The following ANO2 variants were observed in gnomAD, a reference collection of about 807,000 sequenced individuals.
ANO2 encodes anoctamin-2.
ANO2 carries 101 observed loss-of-function variants against 124.2 expected under a neutral mutation model. The ratio of observed to expected loss-of-function variants is 0.81; its 90% CI spans 0.69 to 0.96. ANO2 has a LOEUF of 0.96. Among genes scored for constraint, ANO2 ranks in the 40% least tolerant of loss-of-function variants. The probability of loss-of-function intolerance (pLI) is 0.00; values close to 1 mark genes in which losing one functional copy is unlikely to be tolerated. For synonymous variants in ANO2, 486 were observed against 482.5 expected, an observed-to-expected ratio of 1.01 and a Z score of -0.09; for missense variants, 1,293 against 1,274.5, an observed-to-expected ratio of 1.01 and a Z score of -0.22.
chr12:5,710,100 T>A (rs1389596200), intron 14 of ANO2, among the ~76,000 whole-genome samples: 1 of 152,178 alleles, frequency 6.6e-6, no homozygotes, highest in East Asian at 1.9e-4. Context: ...GTGAGATTAG[T>A]GTAATTACAA....
chr12:5,755,725 G>C (rs1951562848), intron 10 of ANO2, among the ~76,000 whole-genome samples: 1 of 152,088 alleles, frequency 6.6e-6, no homozygotes, highest in Non-Finnish European at 1.5e-5. Flanking sequence ...TCCCTACAAA[G>C]GACATGAACT....
At chr12:5,656,304 T>G (rs1947151073) in intron 14 of ANO2, among the ~76,000 whole-genome samples, 1 of 152,244 alleles carries the variant, frequency 6.6e-6, no homozygotes. Flanking sequence ...GCATCTTCAG[T>G]GGAATGTCCT....
chr12:5,597,537 C>T (rs980283665), intron 20 of ANO2, among the ~76,000 whole-genome samples: 11 of 152,108 alleles, frequency 7.2e-5, no homozygotes, highest in South Asian at 2.1e-4. Context: ...ATTATGAACA[C>T]GTCTATATAC....
chr12:5,926,929 T>A (rs1033285925), intron 1 of ANO2, among the ~76,000 whole-genome samples: 1 of 152,168 alleles, frequency 6.6e-6, no homozygotes, highest in Non-Finnish European at 1.5e-5. Flanking sequence ...CTTTTCCTCA[T>A]AAAGTGAGTG....
chr12:5,775,278 CACAG>C (rs1952196767), intron 10 of ANO2, among the ~76,000 whole-genome samples: 1 of 151,818 alleles, frequency 6.6e-6, no homozygotes, highest in African/African-American at 2.4e-5. Flanking sequence ...CGTGCACACA[CACAG>C]AGAGAGAGAG....
chr12:5,568,378 T>A (rs1311500309), intron 23 of ANO2, among the ~76,000 whole-genome samples: 1 of 152,112 alleles, frequency 6.6e-6, no homozygotes, highest in Non-Finnish European at 1.5e-5. Flanking sequence ...CCTGACCTCC[T>A]GATCCGCCCG....
intron 11 of ANO2, among the ~76,000 whole-genome samples, chr12:5,745,728 T>C (rs1951247158): frequency 1.3e-5 from 2 of 152,268 alleles, no homozygotes; most frequent in Admixed American, 6.5e-5. Flanking sequence ...TGTCGGTCCC[T>C]GAGGATAAAC....
chr12:5,933,689 G>A (rs1942529705), intron 1 of ANO2, among the ~76,000 whole-genome samples: 3 of 152,238 alleles, frequency 2.0e-5, no homozygotes, highest in Non-Finnish European at 2.9e-5. Context: ...ACAGCTGACT[G>A]TTACATGTCT....
chr12:5,727,007 A>G (rs1276436235), intron 14 of ANO2, among the ~76,000 whole-genome samples: 2 of 152,188 alleles, frequency 1.3e-5, no homozygotes, highest in Non-Finnish European at 2.9e-5. Context: ...TACAGTACAG[A>G]GCATTTCATT....
At chr12:5,643,087 C>A (rs569974706) in intron 15 of ANO2, among the ~76,000 whole-genome samples, 6 of 151,314 alleles carry the variant, frequency 4.0e-5, no homozygotes, top group Admixed American at 4.0e-4. Flanking sequence ...CACACACACA[C>A]AATGAATAAA....
At chr12:5,855,661 C>T (rs992092468) in intron 3 of ANO2, among the ~76,000 whole-genome samples, 21 of 152,308 alleles carry the variant, frequency 1.4e-4, no homozygotes, top group Admixed American at 1.0e-3. Flanking sequence ...TAGGTGGTCA[C>T]GTGCATTAGC....
rs542893298 is a variant in ANO2, at chr12:5,575,699, A to G, written c.2621+135T>C. On this transcript the variant is annotated intron_variant, in intron 23 of 24. Coordinates refer to ENST00000682330, the MANE Select transcript of ANO2 (RefSeq NM_001364791.2). ...TATGGTATTATAATCTTACGGGACA[A>G]TCGCCATATATGTGGTCTGCTGTTG... The G allele has an allele frequency of 1.2e-5, 12 of 978,722 alleles. No individual in the cohort carries two copies. In the South Asian group the frequency reaches 1.9e-4, roughly 16 times the overall value. The allele number at this position is 978,722 out of a possible 1,614,324, so 60.6% of individuals were successfully genotyped here.
At chr12:5,729,007 C>T (rs1378884359) in intron 14 of ANO2, among the ~76,000 whole-genome samples, 1 of 152,120 alleles carries the variant, frequency 6.6e-6, no homozygotes, top group Non-Finnish European at 1.5e-5. Flanking sequence ...ATAGGCCTAA[C>T]TGCAAGTGTT....
chr12:5,602,539 C>T (rs1943992650), intron 19 of ANO2, among the ~76,000 whole-genome samples: 1 of 152,160 alleles, frequency 6.6e-6, no homozygotes, highest in African/African-American at 2.4e-5. Flanking sequence ...CAAGCACGAA[C>T]CACCACACCC....
At chr12:5,804,279 C>T (rs1252972814) in intron 9 of ANO2, among the ~76,000 whole-genome samples, 2 of 152,182 alleles carry the variant, frequency 1.3e-5, no homozygotes, top group African/African-American at 4.8e-5. Context: ...CTAGCCCTGC[C>T]GTGAGAATCT....
At chr12:5,858,116 G>T (rs1955161159) in intron 3 of ANO2, among the ~76,000 whole-genome samples, 1 of 152,216 alleles carries the variant, frequency 6.6e-6, no homozygotes, top group Non-Finnish European at 1.5e-5. Flanking sequence ...CTGCAGCACT[G>T]CAGGGTGAAT....
At chr12:5,581,839 C>T (rs1942773478) in intron 20 of ANO2, among the ~76,000 whole-genome samples, 4 of 152,322 alleles carry the variant, frequency 2.6e-5, no homozygotes, top group Admixed American at 6.5e-5. Flanking sequence ...CAGGCCCTCT[C>T]TGCAGACGCC....
Position 5,750,900 on chromosome 12 carries a change from A to G in ANO2, c.1126T>C (p.Ser376Pro). 1 of 1,612,214 alleles carries G rather than the reference A, an allele frequency of 6.2e-7. No homozygotes were observed. Residue 376 changes from serine (S) to proline (P), a missense_variant, in exon 11 of 25, where the codon TCT becomes CCT. Transcript: ENST00000682330. ...AACACAATCACTCCAATTACAGAAG[A>G]TGGGATGAGGAATGATGTATATAAT... ...LGLYTSFLIPSSVIGVIVFLY... is the reference protein window; with the variant it reads ...LGLYTSFLIPPSVIGVIVFLY...
intron 12 of ANO2, among the ~76,000 whole-genome samples, chr12:5,743,334 A>G (rs1035656589): frequency 6.6e-6 from 1 of 152,162 alleles, no homozygotes; most frequent in Non-Finnish European, 1.5e-5. Flanking sequence ...GGTGATGAGT[A>G]AAGGAGCAGG....
Sources: allele counts gnomAD v4.1 joint callset (sites outside exome capture counted in the v4.1 genomes callset), GRCh38; gene constraint gnomAD v4.1.1; transcripts MANE v1.5; gene names NCBI Gene and HGNC (gene_info 2026-07-23, HGNC 2026-07-21).